DRC1: variants seen among roughly 807,000 people sequenced by gnomAD.
The protein encoded by DRC1 is dynein regulatory complex protein 1.
Under a neutral mutation model 98.7 loss-of-function variants are expected in DRC1, and 74 were observed. The observed-to-expected ratio is 0.75, with a 90% CI of 0.62 to 0.91. The LOEUF (loss-of-function observed/expected upper bound fraction) is 0.91. Among genes scored for constraint, DRC1 ranks in the 40% least tolerant of loss-of-function variants. The pLI, the probability that DRC1 is intolerant of heterozygous loss-of-function variation, is 0.00. For missense variants in DRC1, 875 were observed against 886.0 expected (o/e 0.99, Z 0.16); for synonymous variants, 336 against 334.1 (o/e 1.01, Z -0.06).
chr2:26,426,541 A>AT (rs1663289669), intron 4 of DRC1, among the ~76,000 whole-genome samples: 1 of 151,570 alleles, frequency 6.6e-6, no homozygotes, highest in South Asian at 2.1e-4. Flanking sequence ...TAATTTTTGC[A>AT]TTTTTAGTAG....
In DRC1 at chr2:26,444,076, T is replaced by C. The variant is rs1572379670; in HGVS notation, c.1029-146T>C. 3 of 1,130,214 alleles carry C rather than the reference T, an allele frequency of 2.7e-6. No homozygotes were observed. In the East Asian group the frequency reaches 7.5e-5, roughly 28 times the overall value. The allele number at this position is 1,130,214 out of a possible 1,614,324, so 70.0% of individuals were successfully genotyped here. On this transcript the variant is annotated intron_variant, in intron 8 of 16. Transcript: ENST00000288710. Reference sequence around the variant, plus strand: ...CTTCCTTTTGTTGATCAAAATGGGATCTGTGTTTTGGAATATATGGGAGGG... The same window carrying C: ...CTTCCTTTTGTTGATCAAAATGGGACCTGTGTTTTGGAATATATGGGAGGG...
At position 26,454,753 on chromosome 2, in the gene DRC1, C is replaced by T. The variant is rs1162480296; in HGVS notation, c.2026C>T (p.Leu676Phe). 6.2e-7 allele frequency: 1 copy of T among 1,614,156 alleles called. No individual in the cohort carries two copies. ...TTVIPSSKQN[L>F]WDALYTALEK... ...AGTGATCCCTTCCTCCAAGCAGAAC[C>T]TCTGGGATGCCCTCTACACAGCCTT... The change falls in exon 15 of 17, where the codon CTC (leucine) becomes TTC (phenylalanine). Residue 676 changes from leucine to phenylalanine, a missense_variant. Leu to Phe is a conservative substitution (Grantham distance 22). Coordinates refer to ENST00000288710, the MANE Select transcript of DRC1 (RefSeq NM_145038.5). The surrounding 1 kb of genome is among the most constrained non-coding windows in gnomAD (Gnocchi z 5.2).
chr2:26,424,598 T>A, intron 4 of DRC1, 144 bp downstream of exon 4: 1 of 852,928 alleles, frequency 1.2e-6, no homozygotes, highest in Non-Finnish European at 1.7e-6. Flanking sequence ...GTTATAAACT[T>A]TTTTCCATGA....
chr2:26,424,465 C>A lies in DRC1; in HGVS notation c.540+11C>A. 6.3e-7 allele frequency: 1 copy of A among 1,598,094 alleles called. No homozygotes were observed. The highest frequency in any genetic ancestry group is 8.6e-7 in the Non-Finnish European group (1 of 1,168,894). ...AGCGAGTTACAGCAGGCAAGAGGCC[C>A]GGGCCCTCCAGCCCAGCCACAGGGG... On this transcript the variant is annotated intron_variant, in intron 4 of 16. Transcript: ENST00000288710.
At chr2:26,436,552 A>G (rs1216291444) in intron 7 of DRC1, among the ~76,000 whole-genome samples, 4 of 152,130 alleles carry the variant, frequency 2.6e-5, no homozygotes, top group Admixed American at 6.5e-5. Flanking sequence ...GCCTCAAGCA[A>G]TCCTCCCTCT....
chr2:26,412,408 G>C (rs867696251), intron 1 of DRC1, among the ~76,000 whole-genome samples: 1 of 152,136 alleles, frequency 6.6e-6, no homozygotes, highest in Admixed American at 6.5e-5. Context: ...CAAACCTGCT[G>C]TGTCATGTTG....
chr2:26,456,625 T>C lies in DRC1; in HGVS notation c.*108T>C, dbSNP rs1348932086. ...CGCACCTGGGCCTGCTCTCTGGATT[T>C]TCCAGGGCTGTCTTTATAGCCTGTC... On this transcript the variant is annotated 3_prime_UTR_variant, in exon 17 of 17. Coordinates refer to ENST00000288710, the MANE Select transcript of DRC1 (RefSeq NM_145038.5). 1 of 1,338,746 alleles carries C rather than the reference T, an allele frequency of 7.5e-7. No individual in the cohort carries two copies. Among genetic ancestry groups the C allele is most frequent in the East Asian group, 2.3e-5 (1 of 43,034 alleles). 82.9% of individuals were successfully genotyped at this position (1,338,746 alleles called of 1,614,324 possible).
At position 26,444,311 on chromosome 2, in the gene DRC1, A is replaced by G. The variant is rs771972894; in HGVS notation, c.1118A>G (p.Tyr373Cys). The change falls in exon 9 of 17, where the codon TAC (tyrosine) becomes TGC (cysteine). Residue 373 changes from tyrosine to cysteine, a missense_variant. By Grantham distance (194) the Tyr-to-Cys change is radical. Transcript: ENST00000288710. ...GAGAACCAGTCTCTAACCTCGGACT[A>G]CAAACGTCTTGTGATGCAATTCAAG... ...QEENQSLTSD[Y>C]KRLVMQFKEL... 10 of 1,614,236 alleles carry G rather than the reference A, an allele frequency of 6.2e-6. No homozygotes were observed. Among genetic ancestry groups the G allele is most frequent in the East Asian group, 4.5e-5 (2 of 44,890 alleles).
At chr2:26,434,421 C>CCTACAGATTGTAAGATGTTTAGG (rs1157577963) in intron 7 of DRC1, among the ~76,000 whole-genome samples, 1 of 152,184 alleles carries the variant, frequency 6.6e-6, no homozygotes, top group Non-Finnish European at 1.5e-5. Flanking sequence ...CTTATACAAT[C>CCTACAGATTGTAAGATGTTTAGG]ATTTAGGATT....
chr2:26,415,812 G>C (rs759721329), intron 2 of DRC1, among the ~76,000 whole-genome samples: 1 of 151,960 alleles, frequency 6.6e-6, no homozygotes, highest in Non-Finnish European at 1.5e-5. Flanking sequence ...CACGCCTGGG[G>C]TCCCCCCTAC....
At chr2:26,410,755 T>C (rs901865626) in intron 1 of DRC1, among the ~76,000 whole-genome samples, 2 of 151,904 alleles carry the variant, frequency 1.3e-5, no homozygotes, top group African/African-American at 4.8e-5. Context: ...AGGCACACCA[T>C]TGAGAAAGTT....
Position 26,402,002 on chromosome 2 carries a change from G to T in DRC1, c.13G>T (p.Gly5Trp), listed in dbSNP as rs1678255941. Reference protein sequence around the residue: MNPPGSLEALDPNVD... With the variant: MNPPWSLEALDPNVD... The stretch of plus-strand genomic sequence containing the variant: ...AGGGACTCCTGCCATGAATCCGCCG[G>T]GGTCCCTAGAGGCCCTGGACCCGAA... The change falls in exon 1 of 17, where the codon GGG becomes TGG. Residue 5 changes from glycine to tryptophan, a missense_variant. By Grantham distance (184) the Gly-to-Trp change is radical (BLOSUM62 -2). Coordinates refer to ENST00000288710, the MANE Select transcript of DRC1 (RefSeq NM_145038.5). The T allele has an allele frequency of 1.2e-6, 2 of 1,607,462 alleles. No homozygotes were observed. The highest frequency in any genetic ancestry group is 1.7e-6 in the Non-Finnish European group (2 of 1,177,408).
intron 4 of DRC1, among the ~76,000 whole-genome samples, chr2:26,425,404 T>C (rs1663257781): frequency 6.6e-6 from 1 of 152,216 alleles, no homozygotes; most frequent in African/African-American, 2.4e-5. Context: ...CGTATCTCTT[T>C]GAGATACTTC....
chr2:26,414,612 A>G (rs969262588), intron 2 of DRC1, among the ~76,000 whole-genome samples, 181 bp downstream of exon 2: 10 of 152,164 alleles, frequency 6.6e-5, no homozygotes, highest in African/African-American at 2.2e-4. Context: ...AGTTTCTTAT[A>G]TTTACGCTGT....
rs559631130 is a variant in DRC1, at chr2:26,430,484, C to T, written c.679-302C>T. 1.3e-3 allele frequency: 665 copies of T among 515,890 alleles called. 11 individuals carry two copies. The highest frequency in any genetic ancestry group is 9.7e-3 in the South Asian group (632 of 64,852). 32.0% of individuals were successfully genotyped at this position (515,890 alleles called of 1,614,324 possible). ...AGTTGAATTACACACCATGGCCTGC[C>T]GTGTGACTGCCAACAGGGGCACTGG... On this transcript the variant is annotated intron_variant, in intron 5 of 16. Coordinates refer to ENST00000288710, the MANE Select transcript of DRC1 (RefSeq NM_145038.5).
intron 2 of DRC1, among the ~76,000 whole-genome samples, chr2:26,418,639 T>TTA (rs1382325855): frequency 2.3e-5 from 2 of 85,278 alleles, no homozygotes; most frequent in East Asian, 2.7e-4. Flanking sequence ...TATATATAAT[T>TTA]TATATAATAT....
rs574677994 is a variant in DRC1 at position 26,442,534 on chromosome 2, A to G, written c.1029-1688A>G. Among the ~76,000 whole-genome samples, 31 of 152,346 alleles carry G rather than the reference A, an allele frequency of 2.0e-4. No homozygotes were observed. The East Asian group carries it at 4.6e-3, about 23-fold the overall frequency. On this transcript the variant is annotated intron_variant, in intron 8 of 16. Transcript: ENST00000288710. ...CTTGAGTATCTAGATAAGACAATCT[A>G]GAAAATCCAGGCCTTACCATTGCTT...
Position 26,453,202 on chromosome 2 carries a change from C to T in DRC1, c.1690-118C>T. On this transcript the variant is annotated intron_variant, in intron 13 of 16. Coordinates refer to ENST00000288710, the MANE Select transcript of DRC1 (RefSeq NM_145038.5). ...CCTGTTTCTGTCCCTGTGTAAATGT[C>T]TCCCTGGGCAAGCTGTCACTTTCTG... 4 of 1,222,116 alleles carry T rather than the reference C, an allele frequency of 3.3e-6. No individual in the cohort carries two copies. The South Asian group carries it at 4.4e-5, about 13-fold the overall frequency. 75.7% of individuals were successfully genotyped at this position (1,222,116 alleles called of 1,614,324 possible).
In DRC1 at chr2:26,424,264, T is replaced by C. The variant is rs1433258777; in HGVS notation, c.357-7T>C. On this transcript the variant is annotated splice_region_variant and splice_polypyrimidine_tract_variant and intron_variant, in intron 3 of 16. Coordinates refer to ENST00000288710, the MANE Select transcript of DRC1 (RefSeq NM_145038.5). ...GGTTGGCATGGCTGGCATGTATGTATTTGCAGGATTGAGAAGCTGGAGAAT... is the reference window on the plus strand; with the variant it reads ...GGTTGGCATGGCTGGCATGTATGTACTTGCAGGATTGAGAAGCTGGAGAAT... The C allele has an allele frequency of 6.2e-7, 1 of 1,613,814 alleles. No homozygotes were observed. The highest frequency in any genetic ancestry group is 1.7e-5 in the Admixed American group (1 of 59,994).
Sources: gnomAD v4.1 joint callset for allele counts (sites outside exome capture counted in the v4.1 genomes callset) on GRCh38, gnomAD v4.1.1 for gene constraint, Gnocchi (gnomAD v3.1) non-coding constraint, MANE v1.5 for transcripts, NCBI Gene and HGNC (gene_info 2026-07-23, HGNC 2026-07-21) for gene names.